The following NOL10 variants were observed in gnomAD, a reference collection of about 807,000 sequenced individuals.
The protein encoded by NOL10 is H_NH0074G24.1.
In NOL10, 58 loss-of-function variants were observed where a neutral mutation model predicts 103.5. The ratio of observed to expected loss-of-function variants is 0.56; its 90% CI spans 0.45 to 0.70. The LOEUF (loss-of-function observed/expected upper bound fraction) is 0.70, where lower values mean the gene tolerates loss of function less well. NOL10 is among the 30% of genes least tolerant of loss of function. NOL10 has a pLI of 0.00. For missense variants in NOL10, 763 were observed against 807.3 expected (o/e 0.95, Z 0.67); for synonymous variants, 287 against 282.5 (o/e 1.02, Z -0.16).
At chr2:10,664,049 A>C (rs1346382742) in intron 8 of NOL10, among the ~76,000 whole-genome samples, 1 of 151,306 alleles carries the variant, frequency 6.6e-6, no homozygotes, top group Non-Finnish European at 1.5e-5. Context: ...TGAACCCGGG[A>C]GGCAGAGGCT....
At chr2:10,685,772 A>AG (rs1682153429) in intron 1 of NOL10, among the ~76,000 whole-genome samples, 1 of 151,888 alleles carries the variant, frequency 6.6e-6, no homozygotes, top group South Asian at 2.1e-4. Context: ...ATAAAACAGG[A>AG]GGGAAAAAAA....
intron 13 of NOL10, among the ~76,000 whole-genome samples, chr2:10,627,137 T>C (rs1434498136): frequency 1.3e-5 from 2 of 152,232 alleles, no homozygotes; most frequent in Admixed American, 1.3e-4. Context: ...ACAACTTGTT[T>C]GTCTTACAAA....
At chr2:10,657,323 A>G (rs1679910153) in intron 11 of NOL10, among the ~76,000 whole-genome samples, 1 of 152,160 alleles carries the variant, frequency 6.6e-6, no homozygotes, top group Non-Finnish European at 1.5e-5. Flanking sequence ...TCAAAAAAAA[A>G]AAATCAAATA....
chr2:10,625,254 T>G (rs1677387989), intron 13 of NOL10, among the ~76,000 whole-genome samples: 1 of 152,168 alleles, frequency 6.6e-6, no homozygotes, highest in Non-Finnish European at 1.5e-5. Context: ...AAGAGTGGAC[T>G]CTAATGTAAA....
chr2:10,643,949 C>T (rs1480658874), intron 13 of NOL10, among the ~76,000 whole-genome samples: 2 of 152,072 alleles, frequency 1.3e-5, no homozygotes, highest in Non-Finnish European at 2.9e-5. Context: ...TCAATACATC[C>T]AATTTAAAAA....
At chr2:10,669,132 G>A (rs565776102) in intron 6 of NOL10, among the ~76,000 whole-genome samples, 16 of 150,094 alleles carry the variant, frequency 1.1e-4, no homozygotes, top group Admixed American at 4.7e-4. Flanking sequence ...TGCTCTTATT[G>A]CCCAGGCTGG....
At chr2:10,614,042 C>T (rs1257617261) in intron 13 of NOL10, among the ~76,000 whole-genome samples, 2 of 151,722 alleles carry the variant, frequency 1.3e-5, no homozygotes, top group Admixed American at 6.6e-5. Context: ...TCACTGCAAC[C>T]TCCGCCTCCC....
chr2:10,583,883 A>C (rs1674889395), intron 19 of NOL10, among the ~76,000 whole-genome samples: 1 of 152,230 alleles, frequency 6.6e-6, no homozygotes, highest in African/African-American at 2.4e-5. Flanking sequence ...TTTTATGCCT[A>C]TGTTTTTATT....
intron 13 of NOL10, among the ~76,000 whole-genome samples, chr2:10,624,998 G>A (rs1290899411): frequency 6.6e-6 from 1 of 152,134 alleles, no homozygotes; most frequent in Non-Finnish European, 1.5e-5. Flanking sequence ...AAAAGCATAG[G>A]ATTAAGTGAA....
intron 20 of NOL10, among the ~76,000 whole-genome samples, chr2:10,573,251 T>C (rs1674276109): frequency 6.6e-6 from 1 of 152,052 alleles, no homozygotes; most frequent in South Asian, 2.1e-4. Flanking sequence ...TGGAGTGCAA[T>C]GGTACAATCT....
chr2:10,678,015 T>C (rs1681449442), intron 3 of NOL10, among the ~76,000 whole-genome samples: 1 of 152,120 alleles, frequency 6.6e-6, no homozygotes, highest in Admixed American at 6.5e-5. Flanking sequence ...ACTTTTAATA[T>C]AGCCAGGACC....
At chr2:10,620,351 T>TA (rs949468220) in intron 13 of NOL10, among the ~76,000 whole-genome samples, 5 of 152,168 alleles carry the variant, frequency 3.3e-5, no homozygotes, top group Admixed American at 3.3e-4. Flanking sequence ...AGCAAAACTT[T>TA]AAAAAAATTA....
At chr2:10,642,021 A>G (rs753330226) in intron 13 of NOL10, among the ~76,000 whole-genome samples, 1 of 152,244 alleles carries the variant, frequency 6.6e-6, no homozygotes, top group Non-Finnish European at 1.5e-5. Flanking sequence ...ATGTTGCTGT[A>G]GTGATCAAAA....
At chr2:10,597,131 G>A (rs182669645) in intron 17 of NOL10, among the ~76,000 whole-genome samples, 3 of 152,148 alleles carry the variant, frequency 2.0e-5, no homozygotes, top group African/African-American at 4.8e-5. Context: ...CACTGCACTC[G>A]GCCTTAATTG....
In NOL10 at chr2:10,672,288, T is replaced by C. The variant is rs144898644; in HGVS notation, c.328-598A>G. ...GATGCAGTGAGCCGAGATTGTGCCGTTGAACTCCAGCCTGGGCAACAAGAG... is the reference window on the plus strand; with the variant it reads ...GATGCAGTGAGCCGAGATTGTGCCGCTGAACTCCAGCCTGGGCAACAAGAG... On this transcript the variant is annotated intron_variant, in intron 5 of 20. Transcript: ENST00000381685. 4.0e-3 allele frequency among the ~76,000 whole-genome samples: 612 copies of C among 152,178 alleles called. 5 individuals are homozygous for C. The highest frequency in any genetic ancestry group is 6.0e-3 in the Non-Finnish European group (411 of 68,000).
chr2:10,625,438 T>G (rs181006514), intron 13 of NOL10, among the ~76,000 whole-genome samples: 1 of 152,302 alleles, frequency 6.6e-6, no homozygotes, highest in Non-Finnish European at 1.5e-5. Context: ...TAAAGACCAC[T>G]GAATGAGTGA....
intron 19 of NOL10, among the ~76,000 whole-genome samples, chr2:10,586,487 C>T (rs887445445): frequency 5.3e-5 from 8 of 152,210 alleles, no homozygotes; most frequent in South Asian, 4.1e-4. Context: ...GTAAAGAAAA[C>T]ACCTTCAAAA....
chr2:10,649,247 A>G (rs1386552657), intron 12 of NOL10, among the ~76,000 whole-genome samples: 1 of 151,942 alleles, frequency 6.6e-6, no homozygotes, highest in Non-Finnish European at 1.5e-5. Flanking sequence ...AACAATAACA[A>G]ACATTGAGGA....
At chr2:10,576,986 GA>G (rs1260906314) in intron 20 of NOL10, among the ~76,000 whole-genome samples, 1 of 151,990 alleles carries the variant, frequency 6.6e-6, no homozygotes, top group Non-Finnish European at 1.5e-5. Context: ...GACTTTGAAT[GA>G]GAAAAAAATT....
Sources: gnomAD v4.1 joint callset for allele counts (sites outside exome capture counted in the v4.1 genomes callset) on GRCh38, gnomAD v4.1.1 for gene constraint, MANE v1.5 for transcripts, NCBI Gene and HGNC (gene_info 2026-07-23, HGNC 2026-07-21) for gene names.